Variants in PDIA5 observed in about 807,000 individuals in gnomAD.
PDIA5 encodes protein disulfide isomerase family A member 5, also known as protein disulfide-isomerase A5.
PDIA5 carries 58 observed loss-of-function variants against 77.6 expected under a neutral mutation model. That is an observed-to-expected ratio of 0.75 (90% confidence interval 0.61 to 0.93). PDIA5 has a LOEUF of 0.93. PDIA5 is among the 40% of genes least tolerant of loss of function. The pLI is 0.00. For missense variants in PDIA5, 630 were observed against 647.7 expected, an observed-to-expected ratio of 0.97 and a Z score of 0.30; for synonymous variants, 250 against 252.1, an observed-to-expected ratio of 0.99 and a Z score of 0.08.
At position 123,090,690 on chromosome 3, in the gene PDIA5, C is replaced by T. The variant is rs551036927; in HGVS notation, c.169+1396C>T. 5.9e-5 allele frequency among the ~76,000 whole-genome samples: 9 copies of T among 152,210 alleles called. No individual in the cohort carries two copies. The East Asian group carries it at 7.7e-4, about 13-fold the overall frequency. Reference sequence around the variant, plus strand: ...TTTGAGATCAGGTTGGGGCTGAGGCCGGAAAATCATTATGGGAAGTTAGAG... The same window carrying T: ...TTTGAGATCAGGTTGGGGCTGAGGCTGGAAAATCATTATGGGAAGTTAGAG... On this transcript the variant is annotated intron_variant, in intron 2 of 16. Transcript: ENST00000316218.
chr3:123,145,555 T>G lies in PDIA5; in HGVS notation c.944T>G (p.Phe315Cys). The change falls in exon 12 of 17, where the codon TTT (phenylalanine) becomes TGT (cysteine). Residue 315 changes from phenylalanine to cysteine, a missense_variant. Transcript: ENST00000316218. ...CACTGTAAGAAAATGAAGCCGGAGT[T>G]TGAGAAGGCAGCAGAAGCCCTCCAT... ...CGHCKKMKPEFEKAAEALHGE... is the reference protein window; with the variant it reads ...CGHCKKMKPECEKAAEALHGE... 1 of 1,614,014 alleles carries G rather than the reference T, an allele frequency of 6.2e-7. No individual in the cohort carries two copies. The highest frequency in any genetic ancestry group is 8.5e-7 in the Non-Finnish European group (1 of 1,179,908).
At chr3:123,071,644 A>G (rs918748228) in intron 1 of PDIA5, among the ~76,000 whole-genome samples, 5 of 152,344 alleles carry the variant, frequency 3.3e-5, no homozygotes, top group African/African-American at 1.2e-4. Context: ...GCTGAGTGCC[A>G]TAAGAGTGGC....
intron 15 of PDIA5, among the ~76,000 whole-genome samples, chr3:123,158,856 A>C (rs1240104864): frequency 6.6e-6 from 1 of 152,214 alleles, no homozygotes; most frequent in African/African-American, 2.4e-5. Flanking sequence ...ACAGGCATTT[A>C]GGTGAAATTT....
intron 2 of PDIA5, 40 bp from the exon 3 acceptor site, chr3:123,092,315 C>G (rs746003523): frequency 1.3e-6 from 2 of 1,543,416 alleles, no homozygotes; most frequent in African/African-American, 2.7e-5. Flanking sequence ...ACCCAGTGCC[C>G]TTGGTCACAG....
At chr3:123,123,341 G>T (rs1387931017) in intron 8 of PDIA5, among the ~76,000 whole-genome samples, 1 of 152,206 alleles carries the variant, frequency 6.6e-6, no homozygotes, top group African/African-American at 2.4e-5. Flanking sequence ...TTCAGGGATA[G>T]TGGACATGTG....
intron 5 of PDIA5, among the ~76,000 whole-genome samples, chr3:123,103,782 T>A (rs1934661373): frequency 6.6e-6 from 1 of 152,240 alleles, no homozygotes; most frequent in African/African-American, 2.4e-5. Context: ...TAGAAAGTTC[T>A]TCCAACTAGA....
At chr3:123,122,491 T>C (rs956435745) in intron 8 of PDIA5, among the ~76,000 whole-genome samples, 1 of 152,054 alleles carries the variant, frequency 6.6e-6, no homozygotes, top group African/African-American at 2.4e-5. Context: ...GTCCTTGCTG[T>C]ATGTGAGGCC....
intron 8 of PDIA5, 64 bp from the exon 9 acceptor site, chr3:123,124,002 C>A: frequency 1.0e-6 from 1 of 971,756 alleles, no homozygotes; most frequent in Non-Finnish European, 1.7e-6. Context: ...GGACAGATGG[C>A]GTGTGGACTA....
At chr3:123,087,703 CT>C (rs1471284139) in intron 1 of PDIA5, among the ~76,000 whole-genome samples, 1 of 152,044 alleles carries the variant, frequency 6.6e-6, no homozygotes, top group African/African-American at 2.4e-5. Flanking sequence ...TGGTCTCTGT[CT>C]TTTGTAACCG....
rs1560485431 is a variant in PDIA5, at chr3:123,067,082, G to C, written c.-83G>C. The C allele has an allele frequency of 1.8e-6, 2 of 1,141,786 alleles. No homozygotes were observed. The highest frequency in any genetic ancestry group is 2.2e-6 in the Non-Finnish European group (2 of 903,644). 70.7% of individuals were successfully genotyped at this position (1,141,786 alleles called of 1,614,324 possible). A position where few individuals can be genotyped will look rare whatever the true frequency, so the allele number is the denominator to read the frequency against. ...CGGCTGGGAAGTGGCCGTGGTGGTT[G>C]GCCGCGGTGGAGCTAGCAGGCGGGC... On this transcript the variant is annotated 5_prime_UTR_variant, in exon 1 of 17. Transcript: ENST00000316218.
chr3:123,136,725 CAAAAAAAAAAAAAA>C (rs59022235), intron 11 of PDIA5, among the ~76,000 whole-genome samples: 7 of 71,532 alleles, frequency 9.8e-5, no homozygotes, highest in Non-Finnish European at 1.3e-4. Flanking sequence ...GGTGACAAGA[CAAAAAAAAAAAAAA>C]AAAAAAAAAA....
intron 7 of PDIA5, among the ~76,000 whole-genome samples, chr3:123,112,856 G>T (rs985588469): frequency 6.6e-6 from 1 of 151,944 alleles, no homozygotes; most frequent in Non-Finnish European, 1.5e-5. Flanking sequence ...CACCGTGCCC[G>T]GCCCCCCAAG....
chr3:123,138,477 G>T (rs910924150), intron 11 of PDIA5, among the ~76,000 whole-genome samples: 2 of 152,074 alleles, frequency 1.3e-5, no homozygotes, highest in Non-Finnish European at 2.9e-5. Context: ...AAATCATGCT[G>T]CAAAGAACAT....
At chr3:123,157,744 C>G (rs772620314) in intron 15 of PDIA5, among the ~76,000 whole-genome samples, 1 of 152,246 alleles carries the variant, frequency 6.6e-6, no homozygotes, top group African/African-American at 2.4e-5. Context: ...CCTCCACCCC[C>G]TCCCGGGAGC....
chr3:123,116,731 A>G (rs836841), intron 8 of PDIA5, among the ~76,000 whole-genome samples: 132,272 of 152,152 alleles, frequency 0.87, 58,054 homozygotes, highest in Non-Finnish European at 0.93. Context: ...TCACAGAGGC[A>G]AAGGCCTGTC....
At chr3:123,116,746 C>T (rs1430256931) in intron 8 of PDIA5, among the ~76,000 whole-genome samples, 1 of 152,196 alleles carries the variant, frequency 6.6e-6, no homozygotes. Context: ...CCTGTCCCGG[C>T]TTCCCAGGCT....
At chr3:123,108,885 C>CA (rs375336044) in intron 6 of PDIA5, among the ~76,000 whole-genome samples, 10 of 151,176 alleles carry the variant, frequency 6.6e-5, no homozygotes, top group African/African-American at 2.0e-4. Flanking sequence ...GACTCCTTCT[C>CA]AAAAAAAAGC....
At chr3:123,122,904 C>T (rs1186544714) in intron 8 of PDIA5, among the ~76,000 whole-genome samples, 1 of 152,190 alleles carries the variant, frequency 6.6e-6, no homozygotes, top group Non-Finnish European at 1.5e-5. Context: ...ACTTTTCCCT[C>T]GCTTCTATGC....
chr3:123,083,591 G>A (rs1351207619), intron 1 of PDIA5, among the ~76,000 whole-genome samples: 2 of 152,192 alleles, frequency 1.3e-5, no homozygotes, highest in Non-Finnish European at 2.9e-5. Flanking sequence ...AGCCTGCCAA[G>A]CCCAGGAACA....
Sources: gnomAD v4.1 joint callset for allele counts (sites outside exome capture counted in the v4.1 genomes callset) on GRCh38, gnomAD v4.1.1 for gene constraint, MANE v1.5 for transcripts, NCBI Gene and HGNC (gene_info 2026-07-23, HGNC 2026-07-21) for gene names.